The following WNT3 variants were observed in gnomAD, a reference collection of about 807,000 sequenced individuals.
WNT3 encodes Wnt family member 3.
In WNT3, 7 loss-of-function variants were observed where a neutral mutation model predicts 34.2. The observed-to-expected ratio is 0.20, with a 90% CI of 0.12 to 0.38. WNT3 has a LOEUF of 0.38. Among genes scored for constraint, WNT3 ranks in the 10% least tolerant of loss-of-function variants. The pLI is 1.00. For missense variants in WNT3, 267 were observed against 499.8 expected, an observed-to-expected ratio of 0.53 and a Z score of 4.44; for synonymous variants, 212 against 211.5, an observed-to-expected ratio of 1.00 and a Z score of -0.02.
chr17:46,809,484 A>ACACACACTCAGTC (rs1479456385), intron 1 of WNT3, among the ~76,000 whole-genome samples: 2 of 152,190 alleles, frequency 1.3e-5, no homozygotes, highest in Non-Finnish European at 2.9e-5. Flanking sequence ...ACACACACGT[A>ACACACACTCAGTC]CACACACTCA....
At chr17:46,792,190 C>T (rs965227565) in intron 1 of WNT3, among the ~76,000 whole-genome samples, 3 of 152,216 alleles carry the variant, frequency 2.0e-5, no homozygotes, top group Non-Finnish European at 4.4e-5. Context: ...TAAGGTTCCC[C>T]CAGGAATCAC....
chr17:46,785,481 C>G (rs1055376804), intron 1 of WNT3, among the ~76,000 whole-genome samples: 1 of 152,234 alleles, frequency 6.6e-6, no homozygotes. Flanking sequence ...CCTTCCCCTC[C>G]GACAGGAGCC....
At chr17:46,795,257 G>T (rs565668619) in intron 1 of WNT3, among the ~76,000 whole-genome samples, 1 of 152,088 alleles carries the variant, frequency 6.6e-6, no homozygotes, top group Non-Finnish European at 1.5e-5. Flanking sequence ...CCACACCAGC[G>T]CATTCAGCCC....
chr17:46,780,479 G>A (rs943279755), intron 1 of WNT3, among the ~76,000 whole-genome samples: 5 of 152,224 alleles, frequency 3.3e-5, no homozygotes, highest in Admixed American at 3.3e-4. Context: ...CCTGGTATAC[G>A]CCCAAAAGAA....
At chr17:46,802,072 G>C (rs930390137) in intron 1 of WNT3, among the ~76,000 whole-genome samples, 1 of 152,186 alleles carries the variant, frequency 6.6e-6, no homozygotes, top group East Asian at 1.9e-4. Context: ...GCATGTTTGT[G>C]ATATTATAAA....
At chr17:46,774,154 G>T (rs2059396762) in intron 1 of WNT3, among the ~76,000 whole-genome samples, 1 of 152,272 alleles carries the variant, frequency 6.6e-6, no homozygotes, top group Non-Finnish European at 1.5e-5. Flanking sequence ...GAAGCCGCTT[G>T]TGGGGGCCCT....
intron 1 of WNT3, among the ~76,000 whole-genome samples, chr17:46,785,912 A>G (rs2059501225): frequency 6.6e-6 from 1 of 152,212 alleles, no homozygotes; most frequent in African/African-American, 2.4e-5. Flanking sequence ...TCTGTTCTCC[A>G]AAGCAGCTCC....
chr17:46,786,456 G>A (rs545185725), intron 1 of WNT3, among the ~76,000 whole-genome samples: 227 of 152,314 alleles, frequency 1.5e-3, no homozygotes, highest in Non-Finnish European at 2.6e-3. Flanking sequence ...GTCCAGAGAC[G>A]GGTAAAAGGC....
intron 1 of WNT3, among the ~76,000 whole-genome samples, chr17:46,816,241 T>G (rs1476982244): frequency 3.3e-5 from 5 of 151,262 alleles, no homozygotes; most frequent in Non-Finnish European, 5.9e-5. Context: ...GCAAAGATAC[T>G]TCTAGACTTC....
At chr17:46,794,565 C>A (rs2084028228) in intron 1 of WNT3, among the ~76,000 whole-genome samples, 1 of 152,128 alleles carries the variant, frequency 6.6e-6, no homozygotes, top group African/African-American at 2.4e-5. Flanking sequence ...GCAGAACACA[C>A]TGTACCACCG....
At chr17:46,789,382 T>C (rs919539994) in intron 1 of WNT3, among the ~76,000 whole-genome samples, 2 of 152,082 alleles carry the variant, frequency 1.3e-5, no homozygotes, top group Non-Finnish European at 2.9e-5. Flanking sequence ...TGGGGTGGTT[T>C]TGAAAAATAC....
rs2059295519 is a variant in WNT3, at chr17:46,764,412, A to G, written c.*218T>C. ...AAGCCCCCTTCTTTAAAAACCACAC[A>G]CCATCCAGAGTAGGGTGAGAAATGT... On this transcript the variant is annotated 3_prime_UTR_variant, in exon 5 of 5. Coordinates refer to ENST00000225512, the MANE Select transcript of WNT3 (RefSeq NM_030753.5). 6.6e-6 allele frequency: 1 copy of G among 152,598 alleles called. No homozygotes were observed. The highest frequency in any genetic ancestry group is 1.5e-5 in the Non-Finnish European group (1 of 68,062). The allele number at this position is 152,598 out of a possible 1,614,324, so 9.5% of individuals were successfully genotyped here.
At chr17:46,767,322 C>T (rs563943119) in intron 4 of WNT3, among the ~76,000 whole-genome samples, 134 of 152,300 alleles carry the variant, frequency 8.8e-4, no homozygotes, top group Non-Finnish European at 1.7e-3. Flanking sequence ...TCCATAAACT[C>T]GGTGAGAGTG....
At chr17:46,808,314 C>A (rs939487780) in intron 1 of WNT3, among the ~76,000 whole-genome samples, 2 of 152,228 alleles carry the variant, frequency 1.3e-5, no homozygotes, top group African/African-American at 4.8e-5. Context: ...GACACATCCC[C>A]AAATAAGAGA....
intron 1 of WNT3, among the ~76,000 whole-genome samples, chr17:46,788,111 C>T (rs905038313): frequency 6.6e-6 from 1 of 152,122 alleles, no homozygotes; most frequent in African/African-American, 2.4e-5. Context: ...GCAAAGAAGT[C>T]CCCTTCAAAG....
intron 1 of WNT3, among the ~76,000 whole-genome samples, chr17:46,813,895 C>T (rs2084307435): frequency 6.6e-6 from 1 of 152,234 alleles, no homozygotes; most frequent in Non-Finnish European, 1.5e-5. Context: ...CCACCCAGAG[C>T]CCTCGCTGTC....
intron 1 of WNT3, among the ~76,000 whole-genome samples, chr17:46,796,715 T>TGCAAGATGAGC (rs2084058926): frequency 6.6e-6 from 1 of 152,216 alleles, no homozygotes; most frequent in Non-Finnish European, 1.5e-5. Flanking sequence ...TGTCCCCTGG[T>TGCAAGATGAGC]GCAAGATGAG....
At chr17:46,779,103 A>ACACACACCCCCCCC (rs749719578) in intron 1 of WNT3, among the ~76,000 whole-genome samples, 1 of 133,664 alleles carries the variant, frequency 7.5e-6, no homozygotes. Flanking sequence ...ACACACACAC[A>ACACACACCCCCCCC]CCCCAGCCCA....
chr17:46,780,216 C>T (rs2059448952), intron 1 of WNT3, among the ~76,000 whole-genome samples: 2 of 152,198 alleles, frequency 1.3e-5, no homozygotes, highest in Non-Finnish European at 1.5e-5. Flanking sequence ...CAGATGCTGC[C>T]GTCCACCCAG....
Sources: allele counts gnomAD v4.1 joint callset (sites outside exome capture counted in the v4.1 genomes callset), GRCh38; gene constraint gnomAD v4.1.1; transcripts MANE v1.5; gene names NCBI Gene and HGNC (gene_info 2026-07-23, HGNC 2026-07-21).